Variants in TLR6 observed in about 807,000 individuals in gnomAD.
TLR6 encodes toll-like receptor 6.
Under a neutral mutation model 16.1 loss-of-function variants are expected in TLR6, and 9 were observed. That is an observed-to-expected ratio of 0.56 (90% confidence interval 0.34 to 0.98). The LOEUF is 0.98. TLR6 is among the 50% of genes least tolerant of loss of function. The probability of loss-of-function intolerance (pLI) is 0.02; values close to 1 mark genes in which losing one functional copy is unlikely to be tolerated. For missense variants in TLR6, 786 were observed against 921.0 expected, an observed-to-expected ratio of 0.85 and a Z score of 1.90; for synonymous variants, 340 against 338.6, an observed-to-expected ratio of 1.00 and a Z score of -0.04.
At chr4:38,853,092 G>A (rs1712831989) in intron 1 of TLR6, among the ~76,000 whole-genome samples, 2 of 150,780 alleles carry the variant, frequency 1.3e-5, no homozygotes, top group Non-Finnish European at 1.5e-5. Flanking sequence ...GGACATGGAT[G>A]AAGCTGGAAA....
chr4:38,827,076 A>C (rs554793923), exon 2 of TLR6: 1 of 1,560,382 alleles, frequency 6.4e-7, no homozygotes, highest in South Asian at 1.2e-5. Context: ...GAATTTCCTA[A>C]ATTTTTTTAA....
At chr4:38,828,652 C>G (rs1727673593) in exon 2 of TLR6, 2 of 1,614,034 alleles carry the variant, frequency 1.2e-6, no homozygotes. Flanking sequence ...CAGGTTTGGG[C>G]CAAAGAAATT....
intron 1 of TLR6, chr4:38,843,770 A>G (rs990091987): frequency 2.0e-5 from 3 of 152,396 alleles, no homozygotes; most frequent in Non-Finnish European, 4.4e-5. Context: ...ACACACATAC[A>G]TTTGAAAAAT....
At chr4:38,858,900 AAAGAAAAG>A (rs1296423979), upstream of TLR6, among the ~76,000 whole-genome samples, 332 of 149,370 alleles carry the variant, frequency 2.2e-3, 3 homozygotes, top group African/African-American at 7.8e-3. Context: ...AGAAAGAAAG[AAAGAAAAG>A]AAAGAAAGAA....
intron 1 of TLR6, among the ~76,000 whole-genome samples, chr4:38,853,204 G>C (rs1206134588): frequency 7.2e-6 from 1 of 139,438 alleles, no homozygotes; most frequent in Non-Finnish European, 1.5e-5. Context: ...CACAGGAAAG[G>C]GAACATAACA....
chr4:38,867,975 A>G, the TLR6 span: 1 of 363,388 alleles, frequency 2.8e-6, no homozygotes, highest in Non-Finnish European at 5.6e-6. Flanking sequence ...CGTTAGTGAG[A>G]AGCAGTGGTC....
At chr4:38,829,206 G>T (rs757375236) in exon 2 of TLR6, 1 of 1,614,186 alleles carries the variant, frequency 6.2e-7, no homozygotes, top group Admixed American at 1.7e-5. Flanking sequence ...AAATCAAGTA[G>T]CTGGATTCTG....
the TLR6 span, among the ~76,000 whole-genome samples, chr4:38,866,105 AG>A: frequency 6.6e-6 from 1 of 152,034 alleles, no homozygotes; most frequent in African/African-American, 2.4e-5. Flanking sequence ...CCTAGGCCAC[AG>A]ATCAAGACTC....
exon 2 of TLR6, chr4:38,827,837 T>C: frequency 1.2e-6 from 2 of 1,614,260 alleles, no homozygotes; most frequent in Middle Eastern, 1.6e-4. Flanking sequence ...ACTTGATACT[T>C]GGTCTATATT....
chr4:38,830,811 A>T (rs891155484), intron 1 of TLR6, among the ~76,000 whole-genome samples: 11 of 152,180 alleles, frequency 7.2e-5, no homozygotes, highest in Non-Finnish European at 1.6e-4. Flanking sequence ...TGTCTGATTT[A>T]AAAAAATAAA....
upstream of TLR6, among the ~76,000 whole-genome samples, chr4:38,859,361 T>C (rs1332553434): frequency 1.3e-5 from 2 of 152,156 alleles, no homozygotes; most frequent in East Asian, 1.9e-4. Flanking sequence ...ATTTTGAACT[T>C]CTAGCCTCCA....
At chr4:38,857,261 T>G (rs533540429), upstream of TLR6, among the ~76,000 whole-genome samples, 179 of 152,262 alleles carry the variant, frequency 1.2e-3, no homozygotes, top group African/African-American at 4.2e-3. Flanking sequence ...CAATTTGGGT[T>G]TTTTTTTAAA....
chr4:38,867,729 G>GCC, the TLR6 span: 7 of 151,036 alleles, frequency 4.6e-5, no homozygotes, highest in South Asian at 2.1e-4. Flanking sequence ...GCGGGGCGGG[G>GCC]CCCCCTCTCC....
At chr4:38,851,004 C>T (rs1712748451) in intron 1 of TLR6, among the ~76,000 whole-genome samples, 1 of 152,100 alleles carries the variant, frequency 6.6e-6, no homozygotes, top group Non-Finnish European at 1.5e-5. Flanking sequence ...AAACTGAATC[C>T]AGCAGCACAT....
intron 1 of TLR6, among the ~76,000 whole-genome samples, chr4:38,853,285 C>T (rs1047690839): frequency 2.7e-5 from 4 of 150,070 alleles, no homozygotes; most frequent in African/African-American, 4.9e-5. Flanking sequence ...ATGTAAATGA[C>T]GAGTTAATGG....
exon 2 of TLR6, chr4:38,827,216 G>A (rs761250647): frequency 2.5e-6 from 4 of 1,614,182 alleles, no homozygotes; most frequent in Non-Finnish European, 1.7e-6. Flanking sequence ...CGTCATGAGA[G>A]CCTTCAGCTT....
chr4:38,828,638 T>C (rs760139395), exon 2 of TLR6: 1 of 1,614,012 alleles, frequency 6.2e-7, no homozygotes, highest in East Asian at 2.2e-5. Context: ...ATTGAGATAT[T>C]CCACAGGTTT....
intron 1 of TLR6, among the ~76,000 whole-genome samples, chr4:38,844,381 T>C (rs945273812): frequency 1.7e-4 from 26 of 152,200 alleles, no homozygotes; most frequent in African/African-American, 6.0e-4. Flanking sequence ...ACAATGAAGA[T>C]GTAACAGATA....
chr4:38,831,393 G>A (rs2109419240), intron 1 of TLR6, among the ~76,000 whole-genome samples: 2 of 152,082 alleles, frequency 1.3e-5, no homozygotes, highest in Middle Eastern at 3.4e-3. Flanking sequence ...AATGTATAAT[G>A]CAAAACTATA....
Sources: allele counts gnomAD v4.1 joint callset (sites outside exome capture counted in the v4.1 genomes callset), GRCh38; gene constraint gnomAD v4.1.1; transcripts MANE v1.5; gene names NCBI Gene and HGNC (gene_info 2026-07-23, HGNC 2026-07-21).